ENTREP2: variants seen among roughly 807,000 people sequenced by gnomAD.
ENTREP2 encodes protein ENTREP2.
chr15:29,135,200 C>T, the ENTREP2 span, among the ~76,000 whole-genome samples: 38 of 152,148 alleles, frequency 2.5e-4, no homozygotes, highest in African/African-American at 7.0e-4. This position sits in a 1 kb window ranked among gnomAD's most constrained non-coding sequence, Gnocchi z 7.4. Context: ...CCAGCCATGC[C>T]CCAGTCCCCG....
chr15:29,494,201 AG>A, the ENTREP2 span, among the ~76,000 whole-genome samples: 1 of 114,718 alleles, frequency 8.7e-6, no homozygotes, highest in Admixed American at 8.0e-5. Flanking sequence ...GAAAGACTAT[AG>A]GAAAAAAAAA....
At chr15:29,137,511 G>C in the ENTREP2 span, among the ~76,000 whole-genome samples, 2 of 152,162 alleles carry the variant, frequency 1.3e-5, no homozygotes, top group African/African-American at 4.8e-5. Flanking sequence ...AAAGACTGCA[G>C]ACGGAAGGCT....
At chr15:29,420,598 T>A in the ENTREP2 span, among the ~76,000 whole-genome samples, 8 of 152,232 alleles carry the variant, frequency 5.3e-5, no homozygotes, top group African/African-American at 1.9e-4. Flanking sequence ...AAAATTTGAG[T>A]TTGGTACCAG....
the ENTREP2 span, among the ~76,000 whole-genome samples, chr15:29,549,407 C>G: frequency 6.6e-6 from 1 of 151,908 alleles, no homozygotes; most frequent in East Asian, 1.9e-4. Context: ...GTAGCTGGGA[C>G]TACAGGCGCC....
At chr15:29,345,483 C>T in the ENTREP2 span, among the ~76,000 whole-genome samples, 1 of 152,102 alleles carries the variant, frequency 6.6e-6, no homozygotes, top group East Asian at 1.9e-4. Context: ...TGCACCAAGG[C>T]CCCTTCTACC....
the ENTREP2 span, among the ~76,000 whole-genome samples, chr15:29,496,630 T>C: frequency 3.9e-5 from 6 of 152,124 alleles, no homozygotes; most frequent in Non-Finnish European, 7.4e-5. Flanking sequence ...CATAAAAGAT[T>C]GTTGAATTTT....
chr15:29,342,707 T>C, the ENTREP2 span, among the ~76,000 whole-genome samples: 1 of 152,306 alleles, frequency 6.6e-6, no homozygotes, highest in Admixed American at 6.5e-5. Flanking sequence ...ATCTTACTGT[T>C]GTTTTAATTG....
the ENTREP2 span, among the ~76,000 whole-genome samples, chr15:29,477,178 C>G: frequency 6.6e-6 from 1 of 151,972 alleles, no homozygotes; most frequent in Non-Finnish European, 1.5e-5. Context: ...TGTATGAATC[C>G]ATTTATATAA....
At chr15:29,618,150 G>A in the ENTREP2 span, among the ~76,000 whole-genome samples, 4 of 152,254 alleles carry the variant, frequency 2.6e-5, no homozygotes, top group East Asian at 3.9e-4. Flanking sequence ...GAGGCCGGGC[G>A]TGGTAGCTCA....
the ENTREP2 span, among the ~76,000 whole-genome samples, chr15:29,276,196 T>C: frequency 6.6e-6 from 1 of 152,220 alleles, no homozygotes; most frequent in Non-Finnish European, 1.5e-5. Context: ...AAGATAGTGC[T>C]TTCCAAGCAT....
At chr15:29,368,343 T>A in the ENTREP2 span, among the ~76,000 whole-genome samples, 1,322 of 143,934 alleles carry the variant, frequency 9.2e-3, 23 homozygotes, top group African/African-American at 0.032. Flanking sequence ...AAAAAATATA[T>A]ATATATATAT....
chr15:29,577,351 A>T, the ENTREP2 span, among the ~76,000 whole-genome samples: 11,935 of 64,072 alleles, frequency 0.19, 538 homozygotes, highest in East Asian at 0.31. Context: ...TGTGTGTGTG[A>T]GAGAGAGAAA....
chr15:29,656,042 A>G, the ENTREP2 span, among the ~76,000 whole-genome samples: 1 of 149,708 alleles, frequency 6.7e-6, no homozygotes, highest in African/African-American at 2.5e-5. Context: ...AAAAAAAAAA[A>G]ACAACTATGT....
chr15:29,638,555 A>T, the ENTREP2 span, among the ~76,000 whole-genome samples: 1 of 152,196 alleles, frequency 6.6e-6, no homozygotes, highest in Non-Finnish European at 1.5e-5. Flanking sequence ...AGTTTTAGTG[A>T]GAATAGAAAG....
the ENTREP2 span, chr15:29,123,362 C>G: frequency 6.5e-7 from 1 of 1,541,002 alleles, no homozygotes; most frequent in South Asian, 1.2e-5. Context: ...AGAACGTCAG[C>G]GCCGAAGACG....
chr15:29,448,210 C>T, the ENTREP2 span, among the ~76,000 whole-genome samples: 1 of 152,176 alleles, frequency 6.6e-6, no homozygotes, highest in African/African-American at 2.4e-5. Context: ...AGGTGGGTCA[C>T]CATTCTCCGT....
chr15:29,656,963 G>C, the ENTREP2 span, among the ~76,000 whole-genome samples: 1 of 152,170 alleles, frequency 6.6e-6, no homozygotes, highest in Admixed American at 6.5e-5. Flanking sequence ...CTCACCTTGT[G>C]ATTATGTGTC....
At chr15:29,616,093 A>G in the ENTREP2 span, among the ~76,000 whole-genome samples, 8 of 152,236 alleles carry the variant, frequency 5.3e-5, no homozygotes, top group Admixed American at 2.0e-4. Flanking sequence ...TTGTTGCTAG[A>G]CAATGTACCC....
At chr15:29,631,586 C>A in the ENTREP2 span, among the ~76,000 whole-genome samples, 36 of 152,348 alleles carry the variant, frequency 2.4e-4, no homozygotes, top group African/African-American at 8.7e-4. Flanking sequence ...CAGTTCTAAT[C>A]TTTTGATGTG....
Sources: allele counts gnomAD v4.1 joint callset (sites outside exome capture counted in the v4.1 genomes callset), GRCh38; gene constraint gnomAD v4.1.1; non-coding constraint Gnocchi (gnomAD v3.1); transcripts MANE v1.5; gene names NCBI Gene and HGNC (gene_info 2026-07-23, HGNC 2026-07-21).